Variants in COL19A1 observed in about 807,000 individuals in gnomAD.
COL19A1 encodes collagen alpha-1(XIX) chain.
COL19A1 carries 159 observed loss-of-function variants against 190.2 expected under a neutral mutation model. That is an observed-to-expected ratio of 0.84 (90% confidence interval 0.73 to 0.95). COL19A1 has a LOEUF of 0.95. COL19A1 is among the 40% of genes least tolerant of loss of function. The pLI is 0.00. For synonymous variants in COL19A1, 509 were observed against 458.9 expected, an observed-to-expected ratio of 1.11 and a Z score of -1.39; for missense variants, 1,418 against 1,431.9, an observed-to-expected ratio of 0.99 and a Z score of 0.16.
intron 14 of COL19A1, among the ~76,000 whole-genome samples, chr6:70,045,142 A>G (rs1285568356): frequency 6.6e-6 from 1 of 151,874 alleles, no homozygotes; most frequent in Non-Finnish European, 1.5e-5. Flanking sequence ...GAGAAATGCC[A>G]TCTCAACTAA....
At chr6:70,168,335 A>G (rs1041441667) in intron 39 of COL19A1, 120 bp downstream of exon 39, 1 of 985,576 alleles carries the variant, frequency 1.0e-6, no homozygotes, top group Non-Finnish European at 1.5e-6. Context: ...CAAATTTTAC[A>G]GCAGAAGGAA....
In COL19A1 at chr6:70,142,077, G is replaced by T. The variant is rs531285174; in HGVS notation, c.1572+1G>T. 1.9e-6 allele frequency: 3 copies of T among 1,610,920 alleles called. No homozygotes were observed. The highest frequency in any genetic ancestry group is 1.3e-5 in the African/African-American group (1 of 74,860). On this transcript the variant is annotated splice_donor_variant, in intron 22 of 50. Coordinates refer to ENST00000620364, the MANE Select transcript of COL19A1 (RefSeq NM_001858.6). LOFTEE classifies it high-confidence loss of function. ...TTTAATAGGAAGCCCAGGACTAAAG[G>T]TATATAAGAAATAACTAAGATTTCT...
intron 1 of COL19A1, among the ~76,000 whole-genome samples, chr6:69,877,293 A>G (rs1768186937): frequency 6.6e-6 from 1 of 152,224 alleles, no homozygotes; most frequent in South Asian, 2.1e-4. Context: ...TCACTAAAAA[A>G]ATTAATTTAA....
intron 11 of COL19A1, 96 bp downstream of exon 11, chr6:69,962,966 A>G: frequency 1.2e-6 from 1 of 845,876 alleles, no homozygotes; most frequent in Admixed American, 2.8e-5. Context: ...CATTCCCTAT[A>G]AGCAATTCAA....
chr6:69,946,401 G>A (rs925167561), intron 9 of COL19A1, among the ~76,000 whole-genome samples: 38 of 151,758 alleles, frequency 2.5e-4, no homozygotes, highest in African/African-American at 8.7e-4. Context: ...GAAAATGAGG[G>A]GAAACTTACC....
chr6:70,049,185 G>A (rs1040802743), intron 14 of COL19A1, among the ~76,000 whole-genome samples: 65 of 151,898 alleles, frequency 4.3e-4, no homozygotes, highest in Middle Eastern at 3.4e-3. Context: ...CTAAAGTTGC[G>A]TAATTTGTAT....
intron 17 of COL19A1, among the ~76,000 whole-genome samples, chr6:70,126,425 A>G (rs562329835): frequency 2.0e-5 from 3 of 152,298 alleles, no homozygotes; most frequent in East Asian, 1.9e-4. Flanking sequence ...TCTGTGCCCC[A>G]GGCTCCACTG....
chr6:70,143,794 G>A (rs1320988371), intron 23 of COL19A1, among the ~76,000 whole-genome samples: 1 of 151,984 alleles, frequency 6.6e-6, no homozygotes, highest in Admixed American at 6.6e-5. Context: ...CTCAAAAACT[G>A]AGACTAAGTG....
intron 4 of COL19A1, among the ~76,000 whole-genome samples, chr6:69,907,828 G>A (rs1189770352): frequency 1.3e-5 from 2 of 152,188 alleles, no homozygotes. Context: ...TACTCAGCAA[G>A]CATTTGTTGA....
At chr6:70,121,982 A>G (rs1425209318) in intron 17 of COL19A1, 40 bp downstream of exon 17, 6 of 1,291,762 alleles carry the variant, frequency 4.6e-6, no homozygotes, top group Non-Finnish European at 6.5e-6. Flanking sequence ...ATACATAGAA[A>G]TTTTATATGA....
At chr6:69,984,097 G>T (rs1376024614) in intron 11 of COL19A1, among the ~76,000 whole-genome samples, 6 of 152,098 alleles carry the variant, frequency 3.9e-5, no homozygotes, top group Non-Finnish European at 2.9e-5. Context: ...CTTTGTGAAA[G>T]ATTTTTACAT....
rs925982435 is a variant in COL19A1 at position 69,896,526 on chromosome 6, A to T, written c.92-2422A>T. On this transcript the variant is annotated intron_variant, in intron 2 of 50. Coordinates refer to ENST00000620364, the MANE Select transcript of COL19A1 (RefSeq NM_001858.6). ...CAGTCCGCAGTCCGGCCTGGGCGAC[A>T]GAGCGAGACTCCGTCTCAAAAAAAA... is the stretch of plus-strand genomic sequence containing the variant. Among the ~76,000 whole-genome samples the T allele has an allele frequency of 5.2e-5, 7 of 133,682 alleles. 1 individual carries two copies. The highest frequency in any genetic ancestry group is 3.1e-5 in the Non-Finnish European group (2 of 64,546). 87.7% of individuals were successfully genotyped at this position (133,682 alleles called of 152,430 possible).
rs749561572 is a variant in COL19A1 at position 70,142,789 on chromosome 6, C to T, written c.1595C>T (p.Ser532Phe). The T allele has an allele frequency of 2.5e-6, 4 of 1,612,308 alleles. No individual in the cohort carries two copies. The highest frequency in any genetic ancestry group is 2.5e-6 in the Non-Finnish European group (3 of 1,179,018). ...TAGGGTCAGCAAGGATCTGCAGGCT[C>T]CATGGGACCCAGAGGACCGCCAGGA... ...GLKGQQGSAG[S>F]MGPRGPPGDV... The change falls in exon 23 of 51, where the codon TCC becomes TTC. Residue 532 changes from serine to phenylalanine, a missense_variant. Coordinates refer to ENST00000620364, the MANE Select transcript of COL19A1 (RefSeq NM_001858.6).
chr6:70,160,226 G>A (rs1419197254), intron 34 of COL19A1, among the ~76,000 whole-genome samples: 3 of 152,096 alleles, frequency 2.0e-5, no homozygotes, highest in Non-Finnish European at 4.4e-5. Flanking sequence ...ATGACAGAAG[G>A]TGAAGAGGAG....
intron 42 of COL19A1, among the ~76,000 whole-genome samples, chr6:70,177,274 A>G (rs1765873279): frequency 6.6e-6 from 1 of 152,138 alleles, no homozygotes; most frequent in South Asian, 2.1e-4. Context: ...GGTCCAGGAT[A>G]ACATTACAGG....
intron 11 of COL19A1, among the ~76,000 whole-genome samples, chr6:69,964,556 T>C (rs1774984281): frequency 6.6e-6 from 1 of 152,196 alleles, no homozygotes; most frequent in Non-Finnish European, 1.5e-5. Context: ...ATAGCTGGTA[T>C]AGCTCAATAA....
intron 14 of COL19A1, among the ~76,000 whole-genome samples, chr6:70,044,259 A>C (rs1393651490): frequency 1.3e-5 from 2 of 152,202 alleles, no homozygotes; most frequent in African/African-American, 2.4e-5. Flanking sequence ...TCTTTTATCC[A>C]GATCTTTAAG....
intron 41 of COL19A1, among the ~76,000 whole-genome samples, chr6:70,172,405 A>C (rs1435237070): frequency 1.3e-5 from 2 of 151,948 alleles, no homozygotes; most frequent in East Asian, 3.9e-4. Flanking sequence ...GAGACATAAG[A>C]TTTCCTGATG....
chr6:70,146,145 G>A (rs187715446), intron 25 of COL19A1, among the ~76,000 whole-genome samples: 1 of 152,220 alleles, frequency 6.6e-6, no homozygotes, highest in African/African-American at 2.4e-5. Flanking sequence ...CATGAATTCT[G>A]TAGAGATCTA....
Sources: gnomAD v4.1 joint callset for allele counts (sites outside exome capture counted in the v4.1 genomes callset) on GRCh38, gnomAD v4.1.1 for gene constraint, MANE v1.5 for transcripts, NCBI Gene and HGNC (gene_info 2026-07-23, HGNC 2026-07-21) for gene names.